The following LAMA4 variants were observed in gnomAD, a reference collection of about 807,000 sequenced individuals.
The protein encoded by LAMA4 is laminin subunit alpha-4.
LAMA4 carries 127 observed loss-of-function variants against 207.1 expected under a neutral mutation model. The ratio of observed to expected loss-of-function variants is 0.61; its 90% CI spans 0.53 to 0.71. The LOEUF (loss-of-function observed/expected upper bound fraction) is 0.71. Among genes scored for constraint, LAMA4 ranks in the 30% least tolerant of loss-of-function variants. The pLI is 0.00. For synonymous variants in LAMA4, 761 were observed against 816.0 expected, an observed-to-expected ratio of 0.93 and a Z score of 1.15; for missense variants, 2,093 against 2,246.5, an observed-to-expected ratio of 0.93 and a Z score of 1.38.
At chr6:112,245,111 CAGAT>C (rs1554188416) in intron 2 of LAMA4, among the ~76,000 whole-genome samples, 1 of 152,138 alleles carries the variant, frequency 6.6e-6, no homozygotes, top group African/African-American at 2.4e-5. Context: ...GGACTCAGGA[CAGAT>C]AGCAGGAAAA....
At position 112,122,113 on chromosome 6, in the gene LAMA4, A is replaced by T; in HGVS notation, c.4376T>A (p.Leu1459His). ...RNTPRNSHCH[L>H]SNSPRAIEHA... The stretch of plus-strand genomic sequence containing the variant: ...CTCTATTGCTCTAGGGCTGTTGGAA[A>T]GGTGGCAATGAGAGTTTCTTGGAGT... The change falls in exon 32 of 39, where the codon CTT becomes CAT. Residue 1459 changes from leucine (L) to histidine (H), a missense_variant. This residue lies in a region of LAMA4 where 6 missense variants were observed against 20.3 expected (regional missense o/e 0.30). Coordinates refer to ENST00000230538, the MANE Select transcript of LAMA4 (RefSeq NM_001105206.3). 6.2e-7 allele frequency: 1 copy of T among 1,613,912 alleles called. No individual in the cohort carries two copies. The highest frequency in any genetic ancestry group is 8.5e-7 in the Non-Finnish European group (1 of 1,179,866).
intron 4 of LAMA4, among the ~76,000 whole-genome samples, chr6:112,206,270 A>C (rs1554354204): frequency 6.6e-6 from 1 of 152,120 alleles, no homozygotes; most frequent in Admixed American, 6.5e-5. Context: ...CTGATCTCTT[A>C]ATCTGTGGGA....
chr6:112,196,010 A>G (rs1489622609), intron 5 of LAMA4, among the ~76,000 whole-genome samples: 1 of 151,824 alleles, frequency 6.6e-6, no homozygotes, highest in African/African-American at 2.4e-5. Context: ...GAAGCTGGTG[A>G]GTCTTGGGCA....
chr6:112,200,134 G>T (rs782018128), intron 5 of LAMA4: 4 of 533,164 alleles, frequency 7.5e-6, no homozygotes, highest in Non-Finnish European at 1.5e-5. Context: ...ATATCTTACC[G>T]AGTCATTCAG....
intron 5 of LAMA4, chr6:112,200,160 G>T (rs781865846): frequency 1.9e-6 from 1 of 533,224 alleles, no homozygotes; most frequent in South Asian, 1.4e-5. Context: ...AGCCTCTCGT[G>T]CTCTGTGGAG....
chr6:112,132,135 C>A (rs1180882850), intron 28 of LAMA4, among the ~76,000 whole-genome samples: 1 of 151,980 alleles, frequency 6.6e-6, no homozygotes, highest in Non-Finnish European at 1.5e-5. Context: ...CAGATAGCGA[C>A]CGCTTCACAA....
Position 112,140,911 on chromosome 6 carries a change from T to C in LAMA4, c.2825A>G (p.His942Arg), listed in dbSNP as rs782781881. The part of the protein sequence containing the change: ...SIVKIERVGK[H>R]GKVFLTVPSL... ...CGGGACTGTTAAAAACACCTTTCCA[T>C]GTTTTCCCACCCTATTGAGATAAAT... Residue 942 changes from histidine (H) to arginine (R), a missense_variant, in exon 22 of 39, where the codon CAT (histidine) becomes CGT (arginine). Transcript: ENST00000230538. 6.2e-7 allele frequency: 1 copy of C among 1,612,502 alleles called. No homozygotes were observed. Among genetic ancestry groups the C allele is most frequent in the East Asian group, 2.2e-5 (1 of 44,866 alleles).
chr6:112,243,091 G>T (rs1786637312), intron 2 of LAMA4, among the ~76,000 whole-genome samples: 2 of 152,244 alleles, frequency 1.3e-5, no homozygotes, highest in South Asian at 4.2e-4. Flanking sequence ...TAGAGTAGGG[G>T]GTAGCACCCT....
chr6:112,185,105 T>C lies in LAMA4; in HGVS notation c.1077+132A>G. 5.4e-6 allele frequency: 4 copies of C among 743,906 alleles called. No homozygotes were observed. In the South Asian group the frequency reaches 5.7e-5, roughly 11 times the overall value. The allele number at this position is 743,906 out of a possible 1,614,324, so 46.1% of individuals were successfully genotyped here. A position where few individuals can be genotyped will look rare whatever the true frequency, so the allele number is the denominator to read the frequency against. The stretch of plus-strand genomic sequence containing the variant: ...TCTCCACAGGTCTGGTCTTGATTTA[T>C]TTTAAGGCACATGGGTCACTGCATT... On this transcript the variant is annotated intron_variant, in intron 9 of 38. Transcript: ENST00000230538.
chr6:112,122,231 A>C, intron 31 of LAMA4, 30 bp from the exon 32 acceptor site: 2 of 1,566,938 alleles, frequency 1.3e-6, no homozygotes, highest in Non-Finnish European at 1.8e-6. Context: ...TAAGGGATAA[A>C]AGTGACATAC....
Position 112,175,388 on chromosome 6 carries a change from C to T in LAMA4, c.1282G>A (p.Glu428Lys). 1 of 1,614,198 alleles carries T rather than the reference C, an allele frequency of 6.2e-7. No individual in the cohort carries two copies. Among genetic ancestry groups the T allele is most frequent in the Non-Finnish European group, 8.5e-7 (1 of 1,180,016 alleles). ...AATGGTTGACGGCTTCTAATCTCTTCAAGCATCTTCTGGGCCAACACCAGC... is the reference window on the plus strand; with the variant it reads ...AATGGTTGACGGCTTCTAATCTCTTTAAGCATCTTCTGGGCCAACACCAGC... ...EKLVLAQKMLEEIRSRQPFFT... is the reference protein window; with the variant it reads ...EKLVLAQKMLKEIRSRQPFFT... The change falls in exon 11 of 39, where the codon GAA (glutamate) becomes AAA (lysine). Residue 428 changes from glutamate (E) to lysine (K), a missense_variant. Physicochemically the swap from Glu to Lys is moderately conservative, Grantham distance 56. This residue lies in a region of LAMA4 where 1,704 missense variants were observed against 1,788.4 expected (regional missense o/e 0.95). Coordinates refer to ENST00000230538, the MANE Select transcript of LAMA4 (RefSeq NM_001105206.3).
chr6:112,167,946 G>A (rs979487035), intron 12 of LAMA4, among the ~76,000 whole-genome samples: 1 of 151,278 alleles, frequency 6.6e-6, no homozygotes, highest in Non-Finnish European at 1.5e-5. Flanking sequence ...GGTGGCTCAC[G>A]CCTGTAATCC....
At chr6:112,208,675 G>A (rs1157762820) in intron 3 of LAMA4, among the ~76,000 whole-genome samples, 1 of 152,178 alleles carries the variant, frequency 6.6e-6, no homozygotes, top group Non-Finnish European at 1.5e-5. Flanking sequence ...GAAGGCATCA[G>A]TGTTACTAAC....
intron 22 of LAMA4, among the ~76,000 whole-genome samples, chr6:112,140,141 A>G (rs1187431822): frequency 1.3e-5 from 2 of 152,212 alleles, no homozygotes; most frequent in Non-Finnish European, 2.9e-5. Context: ...AATTCATGAC[A>G]AAAATCAGTC....
chr6:112,190,947 C>CCTTTCTTTCCTTTCTTTCTTT (rs1783060504), intron 6 of LAMA4, among the ~76,000 whole-genome samples: 1 of 40,472 alleles, frequency 2.5e-5, no homozygotes, highest in African/African-American at 1.1e-4. Context: ...TTCTTTCTTT[C>CCTTTCTTTCCTTTCTTTCTTT]CTTTCTTTCT....
At chr6:112,207,716 T>G (rs990311524) in intron 3 of LAMA4, among the ~76,000 whole-genome samples, 14 of 151,208 alleles carry the variant, frequency 9.3e-5, no homozygotes, top group African/African-American at 3.2e-4. Flanking sequence ...GTAAGGAGGT[T>G]TTTTTTTTGT....
In LAMA4 at chr6:112,238,318, A is replaced by C. The variant is rs576751515; in HGVS notation, c.195+15638T>G. Among the ~76,000 whole-genome samples, 20 of 152,348 alleles carry C rather than the reference A, an allele frequency of 1.3e-4. No individual in the cohort carries two copies. The South Asian group carries it at 4.1e-3, about 32-fold the overall frequency. ...ACCTTTTTGCTAAAAAAGAGAGTGA[A>C]GATATTGATACTGATCAATCGAGTG... On this transcript the variant is annotated intron_variant, in intron 2 of 38. Coordinates refer to ENST00000230538, the MANE Select transcript of LAMA4 (RefSeq NM_001105206.3).
At chr6:112,234,898 ATATC>A (rs1785798719) in intron 2 of LAMA4, 1 of 152,226 alleles carries the variant, frequency 6.6e-6, no homozygotes, top group South Asian at 2.1e-4. Flanking sequence ...AACCTTACAA[ATATC>A]TTTGGATATC....
At chr6:112,234,380 G>C (rs1785753867) in intron 2 of LAMA4, 1 of 152,050 alleles carries the variant, frequency 6.6e-6, no homozygotes, top group Non-Finnish European at 1.5e-5. Flanking sequence ...ATAGGTTTAT[G>C]ACAGCTACTC....
Sources: gnomAD v4.1 joint callset for allele counts (sites outside exome capture counted in the v4.1 genomes callset) on GRCh38, gnomAD v4.1.1 for gene constraint, gnomAD v4.1.1 regional missense constraint, MANE v1.5 for transcripts, NCBI Gene and HGNC (gene_info 2026-07-23, HGNC 2026-07-21) for gene names.